The following OXCT1 variants were observed in gnomAD, a reference collection of about 807,000 sequenced individuals.
The protein encoded by OXCT1 is succinyl-CoA:3-ketoacid coenzyme A transferase 1, mitochondrial.
A neutral mutation model predicts 69.6 loss-of-function variants in OXCT1; 27 were observed. The observed-to-expected ratio is 0.39, with a 90% CI of 0.29 to 0.54. The LOEUF (loss-of-function observed/expected upper bound fraction) is 0.54, where lower values mean the gene tolerates loss of function less well. Among genes scored for constraint, OXCT1 ranks in the 20% least tolerant of loss-of-function variants. The probability of loss-of-function intolerance (pLI) is 0.72; values close to 1 mark genes in which losing one functional copy is unlikely to be tolerated. For synonymous variants in OXCT1, 202 were observed against 217.8 expected (o/e 0.93, Z 0.64); for missense variants, 437 against 650.2 (o/e 0.67, Z 3.57).
intron 14 of OXCT1, among the ~76,000 whole-genome samples, chr5:41,758,430 T>C (rs372057263): frequency 3.2e-4 from 49 of 152,204 alleles, no homozygotes; most frequent in African/African-American, 1.2e-3. Flanking sequence ...TAGTACTTGG[T>C]ACCAAAGATT....
Position 41,856,540 on chromosome 5 carries a change from C to A in OXCT1, c.279-2986G>T, listed in dbSNP as rs191234662. Among the ~76,000 whole-genome samples the A allele has an allele frequency of 1.1e-3, 160 of 152,294 alleles. 1 individual carries two copies. The highest frequency in any genetic ancestry group is 1.5e-3 in the Non-Finnish European group (99 of 68,030). On this transcript the variant is annotated intron_variant, in intron 3 of 16. Transcript: ENST00000196371. ...CAGCTCAGCTGATTCCTTCCCAATT[C>A]TCAGAATTTCATTTCCAAACCTCTT...
intron 13 of OXCT1, among the ~76,000 whole-genome samples, chr5:41,781,860 G>A (rs553443388): frequency 6.6e-6 from 1 of 152,246 alleles, no homozygotes; most frequent in Non-Finnish European, 1.5e-5. Context: ...TATAATTGGT[G>A]GGTATTTAGG....
At chr5:41,839,658 G>A (rs1173830303) in intron 7 of OXCT1, among the ~76,000 whole-genome samples, 1 of 152,110 alleles carries the variant, frequency 6.6e-6, no homozygotes, top group African/African-American at 2.4e-5. Context: ...ACATTATCTT[G>A]GCCTTGTAAA....
At chr5:41,739,656 G>A (rs1743061856) in intron 15 of OXCT1, 165 bp from the exon 16 acceptor site, 1 of 597,406 alleles carries the variant, frequency 1.7e-6, no homozygotes, top group African/African-American at 1.8e-5. Context: ...ACAAGGTCAG[G>A]AGATCGAGAC....
intron 5 of OXCT1, 39 bp from the exon 6 acceptor site, chr5:41,842,820 A>G: frequency 7.5e-7 from 1 of 1,329,924 alleles, no homozygotes; most frequent in Non-Finnish European, 1.1e-6. Context: ...GTATTTGCAT[A>G]GGTCTTGATT....
chr5:41,778,700 C>T (rs1489999766), intron 13 of OXCT1, among the ~76,000 whole-genome samples: 3 of 152,160 alleles, frequency 2.0e-5, no homozygotes, highest in African/African-American at 7.2e-5. Flanking sequence ...ATGCATTAGA[C>T]AGGTAAGGAA....
intron 7 of OXCT1, among the ~76,000 whole-genome samples, chr5:41,831,962 A>C (rs1355651791): frequency 1.3e-5 from 2 of 152,160 alleles, no homozygotes; most frequent in Non-Finnish European, 2.9e-5. Flanking sequence ...TTAACCTCCT[A>C]AAAAGAGATG....
At chr5:41,784,772 G>C (rs1017506425) in intron 13 of OXCT1, among the ~76,000 whole-genome samples, 1 of 152,196 alleles carries the variant, frequency 6.6e-6, no homozygotes, top group African/African-American at 2.4e-5. Flanking sequence ...CCAGTGACAT[G>C]TGCTTAATAA....
intron 11 of OXCT1, among the ~76,000 whole-genome samples, chr5:41,800,003 T>C (rs1746353121): frequency 6.6e-6 from 1 of 152,288 alleles, no homozygotes; most frequent in African/African-American, 2.4e-5. Flanking sequence ...CAGAAAATCA[T>C]GCTAGAACCT....
chr5:41,732,483 T>A (rs572150943), intron 16 of OXCT1, among the ~76,000 whole-genome samples: 1 of 152,282 alleles, frequency 6.6e-6, no homozygotes, highest in Admixed American at 6.5e-5. Context: ...ACCATAAATA[T>A]AAGTGGTCAG....
chr5:41,782,268 G>A (rs1745444933), intron 13 of OXCT1, among the ~76,000 whole-genome samples: 1 of 151,330 alleles, frequency 6.6e-6, no homozygotes, highest in African/African-American at 2.4e-5. Context: ...AGGCTGGAGT[G>A]CAGTGGTGTG....
At chr5:41,833,345 T>C (rs190692347) in intron 7 of OXCT1, among the ~76,000 whole-genome samples, 311 of 151,108 alleles carry the variant, frequency 2.1e-3, no homozygotes, top group African/African-American at 7.2e-3. Context: ...CAGGAAAGAG[T>C]AGCATGACAT....
intron 6 of OXCT1, among the ~76,000 whole-genome samples, chr5:41,840,717 T>C (rs1748589435): frequency 6.6e-6 from 1 of 152,236 alleles, no homozygotes; most frequent in Admixed American, 6.5e-5. Flanking sequence ...TCAATGTATA[T>C]AGTTTTGTTT....
At position 41,850,029 on chromosome 5, in the gene OXCT1, C is replaced by T. The variant is rs766734743; in HGVS notation, c.564+1G>A. On this transcript the variant is annotated splice_donor_variant, in intron 5 of 16. Transcript: ENST00000196371. LOFTEE classifies it high-confidence loss of function. ...ATAATCTGGTTAAGAGTGTTTCTTA[C>T]CTCTCTTGGCTTACTGGCAATGGCA... The T allele has an allele frequency of 6.2e-7, 1 of 1,613,626 alleles. No individual in the cohort carries two copies. Among genetic ancestry groups the T allele is most frequent in the Admixed American group, 1.7e-5 (1 of 60,000 alleles).
intron 7 of OXCT1, among the ~76,000 whole-genome samples, chr5:41,828,889 C>A (rs1747950106): frequency 6.6e-6 from 1 of 152,110 alleles, no homozygotes; most frequent in South Asian, 2.1e-4. Context: ...CACACTGTTA[C>A]ATACTTTTTT....
intron 11 of OXCT1, among the ~76,000 whole-genome samples, chr5:41,797,131 A>G (rs1746220623): frequency 6.6e-6 from 1 of 152,228 alleles, no homozygotes; most frequent in Admixed American, 6.5e-5. Context: ...TAAAAATTCC[A>G]GTTCTTTGTT....
intron 13 of OXCT1, among the ~76,000 whole-genome samples, chr5:41,783,606 TGAGA>T (rs1259537789): frequency 2.6e-5 from 4 of 152,226 alleles, no homozygotes; most frequent in Admixed American, 1.3e-4. Flanking sequence ...TCATTGTTCA[TGAGA>T]GAGACAGAGA....
chr5:41,761,670 T>C (rs1744352158), intron 14 of OXCT1, among the ~76,000 whole-genome samples: 1 of 152,122 alleles, frequency 6.6e-6, no homozygotes, highest in Admixed American at 6.6e-5. Flanking sequence ...CTCACAGCTT[T>C]GAGGGCCATA....
chr5:41,741,222 T>C (rs1369056333), intron 15 of OXCT1, among the ~76,000 whole-genome samples: 1 of 152,140 alleles, frequency 6.6e-6, no homozygotes, highest in Non-Finnish European at 1.5e-5. Flanking sequence ...TCCTTTGGGA[T>C]GCAAGGATTA....
Sources: allele counts gnomAD v4.1 joint callset (sites outside exome capture counted in the v4.1 genomes callset), GRCh38; gene constraint gnomAD v4.1.1; transcripts MANE v1.5; gene names NCBI Gene and HGNC (gene_info 2026-07-23, HGNC 2026-07-21).